AUTS2: variants seen among roughly 807,000 people sequenced by gnomAD.
AUTS2 encodes the protein activator of transcription and developmental regulator AUTS2, also known as autism susceptibility gene 2 protein.
A neutral mutation model predicts 112.4 loss-of-function variants in AUTS2; 17 were observed. That is an observed-to-expected ratio of 0.15 (90% CI 0.10 to 0.23). The LOEUF (loss-of-function observed/expected upper bound fraction) is 0.23, where lower values mean the gene tolerates loss of function less well. Among genes scored for constraint, AUTS2 ranks in the 10% least tolerant of loss-of-function variants. The pLI is 1.00. For missense variants in AUTS2, 1,510 were observed against 1,701.6 expected (o/e 0.89, Z 1.98); for synonymous variants, 751 against 702.7 (o/e 1.07, Z -1.09).
rs545591696 is a variant in AUTS2, at chr7:69,641,882, A to G, written c.309+41920A>G. On this transcript the variant is annotated intron_variant, in intron 1 of 18. Transcript: ENST00000342771. ...GTGATTGAGTTTGAAGCCCAAGGTC[A>G]GGATATTGATTGATGACATTTCCCT... is the stretch of plus-strand genomic sequence containing the variant. 8.5e-5 allele frequency among the ~76,000 whole-genome samples: 13 copies of G among 152,382 alleles called. No homozygotes were observed. The South Asian group carries it at 2.7e-3, about 32-fold the overall frequency.
intron 1 of AUTS2, among the ~76,000 whole-genome samples, chr7:69,842,451 T>C (rs1792022945): frequency 6.6e-6 from 1 of 152,166 alleles, no homozygotes; most frequent in South Asian, 2.1e-4. Context: ...ATGATTTGTT[T>C]TTGAGAAACA....
At chr7:70,409,120 C>T (rs1794669033) in intron 4 of AUTS2, among the ~76,000 whole-genome samples, 1 of 152,192 alleles carries the variant, frequency 6.6e-6, no homozygotes, top group Non-Finnish European at 1.5e-5. Context: ...CCTTATGGCA[C>T]TACTTTGGAT....
rs78596040 is a variant in AUTS2, at chr7:69,692,610, C to T, written c.309+92648C>T. Reference sequence around the variant, plus strand: ...TGATGCAAATTTGTGCTCAACTTTTCCTGAGGGGAAATGGAGAGATACTTT... The same window carrying T: ...TGATGCAAATTTGTGCTCAACTTTTTCTGAGGGGAAATGGAGAGATACTTT... On this transcript the variant is annotated intron_variant, in intron 1 of 18. Transcript: ENST00000342771. Among the ~76,000 whole-genome samples, 453 of 152,294 alleles carry T rather than the reference C, an allele frequency of 3.0e-3. 3 individuals carry two copies. Among genetic ancestry groups the T allele is most frequent in the African/African-American group, 0.01 (430 of 41,556 alleles).
At chr7:69,706,537 A>G (rs1455606972) in intron 1 of AUTS2, among the ~76,000 whole-genome samples, 2 of 152,232 alleles carry the variant, frequency 1.3e-5, no homozygotes, top group Admixed American at 6.5e-5. Flanking sequence ...CTTGCCTGGC[A>G]TCTAGCAGAT....
At chr7:70,618,840 T>A (rs10230851) in intron 5 of AUTS2, among the ~76,000 whole-genome samples, 1 of 152,118 alleles carries the variant, frequency 6.6e-6, no homozygotes, top group Non-Finnish European at 1.5e-5. Context: ...AGCAGCCCTG[T>A]GTTTTGTTAG....
intron 1 of AUTS2, among the ~76,000 whole-genome samples, chr7:69,846,519 C>T (rs752066823): frequency 4.6e-5 from 7 of 152,158 alleles, no homozygotes; most frequent in Non-Finnish European, 1.0e-4. Flanking sequence ...CCCTATGTGT[C>T]GGGTGTTACA....
chr7:70,087,001 A>G (rs1392672035), intron 2 of AUTS2, among the ~76,000 whole-genome samples: 3 of 151,598 alleles, frequency 2.0e-5, no homozygotes, highest in African/African-American at 7.3e-5. Flanking sequence ...TCTCTAGTAT[A>G]ATGTTGAATG....
chr7:69,844,463 TAAAACTGTC>T (rs1040930634), intron 1 of AUTS2, among the ~76,000 whole-genome samples: 1 of 152,114 alleles, frequency 6.6e-6, no homozygotes, highest in Non-Finnish European at 1.5e-5. Context: ...GTGCAGCAGA[TAAAACTGTC>T]ATGGTTTTCA....
chr7:70,357,686 T>C (rs781306368), intron 4 of AUTS2, among the ~76,000 whole-genome samples: 1 of 152,208 alleles, frequency 6.6e-6, no homozygotes, highest in Non-Finnish European at 1.5e-5. Flanking sequence ...CTTGATACTT[T>C]AGAAAATCAT....
At chr7:70,686,107 G>T (rs1585505401) in intron 5 of AUTS2, among the ~76,000 whole-genome samples, 1 of 152,204 alleles carries the variant, frequency 6.6e-6, no homozygotes, top group African/African-American at 2.4e-5. Context: ...GGCTGCCTTT[G>T]TCAGGCTACC....
rs558599344 is a variant in AUTS2, at chr7:70,269,489, C to T, written c.660+134918C>T. ...CATGGGATTCTTTGAGAGAGTCTGA[C>T]GCTCACTTGTCTGGGTTAAAAGTCT... is the stretch of plus-strand genomic sequence containing the variant. On this transcript the variant is annotated intron_variant, in intron 4 of 18. Coordinates refer to ENST00000342771, the MANE Select transcript of AUTS2 (RefSeq NM_015570.4). Among the ~76,000 whole-genome samples the T allele has an allele frequency of 8.5e-5, 13 of 152,256 alleles. No individual in the cohort carries two copies. In the East Asian group the frequency reaches 1.4e-3, roughly 16 times the overall value.
chr7:69,926,337 C>T (rs1796006704), intron 2 of AUTS2, among the ~76,000 whole-genome samples: 1 of 152,086 alleles, frequency 6.6e-6, no homozygotes, highest in African/African-American at 2.4e-5. Flanking sequence ...GGTACATAAA[C>T]ATTTAGGGTT....
At chr7:70,060,721 G>T (rs1374550579) in intron 2 of AUTS2, among the ~76,000 whole-genome samples, 1 of 152,216 alleles carries the variant, frequency 6.6e-6, no homozygotes, top group African/African-American at 2.4e-5. Context: ...GGCATGGAAG[G>T]TGTCTTTGAC....
chr7:69,602,700 A>T (rs982158947), intron 1 of AUTS2, among the ~76,000 whole-genome samples: 5 of 152,226 alleles, frequency 3.3e-5, no homozygotes, highest in Non-Finnish European at 7.3e-5. Context: ...CACTAATATC[A>T]AATATCCTGT....
At chr7:69,637,011 T>C (rs1043664053) in intron 1 of AUTS2, among the ~76,000 whole-genome samples, 5 of 152,046 alleles carry the variant, frequency 3.3e-5, no homozygotes, top group African/African-American at 9.7e-5. Flanking sequence ...GTGATCCACC[T>C]GCCTCGGCCT....
chr7:69,988,211 T>C (rs924409484), intron 2 of AUTS2, among the ~76,000 whole-genome samples: 3 of 152,212 alleles, frequency 2.0e-5, no homozygotes, highest in African/African-American at 7.2e-5. Flanking sequence ...GTCTTCTCTT[T>C]GTGCCCATGT....
At chr7:69,986,591 G>C (rs548384253) in intron 2 of AUTS2, among the ~76,000 whole-genome samples, 1 of 152,318 alleles carries the variant, frequency 6.6e-6, no homozygotes, top group African/African-American at 2.4e-5. Context: ...ATTCCTGAGG[G>C]TCTTCAGGCC....
intron 1 of AUTS2, among the ~76,000 whole-genome samples, chr7:69,832,376 T>C (rs1170303865): frequency 1.3e-5 from 2 of 152,182 alleles, no homozygotes; most frequent in Non-Finnish European, 1.5e-5. Flanking sequence ...GATTGGTAGT[T>C]CTAGAATGAC....
chr7:70,204,810 G>A (rs1810486765), intron 4 of AUTS2, among the ~76,000 whole-genome samples: 1 of 152,050 alleles, frequency 6.6e-6, no homozygotes, highest in Non-Finnish European at 1.5e-5. Flanking sequence ...TGGTCTAGGG[G>A]AATAAAACAT....
Sources: allele counts gnomAD v4.1 joint callset (sites outside exome capture counted in the v4.1 genomes callset), GRCh38; gene constraint gnomAD v4.1.1; transcripts MANE v1.5; gene names NCBI Gene and HGNC (gene_info 2026-07-23, HGNC 2026-07-21).